ANK1: variants seen among roughly 807,000 people sequenced by gnomAD.
ANK1 encodes the protein ankyrin-1.
Under a neutral mutation model 210.4 loss-of-function variants are expected in ANK1, and 51 were observed. The ratio of observed to expected loss-of-function variants is 0.24; its 90% CI spans 0.19 to 0.31. ANK1 has a LOEUF of 0.31. ANK1 is among the 10% of genes least tolerant of loss of function. ANK1 has a pLI of 1.00. For missense variants in ANK1, 2,051 were observed against 2,504.4 expected, an observed-to-expected ratio of 0.82 and a Z score of 3.86; for synonymous variants, 967 against 1,025.9, an observed-to-expected ratio of 0.94 and a Z score of 1.10.
chr8:41,668,690 C>T (rs1811319633), intron 38 of ANK1, 126 bp from the exon 39 acceptor site: 2 of 1,085,366 alleles, frequency 1.8e-6, no homozygotes, highest in African/African-American at 1.6e-5. Flanking sequence ...GGACACAGAC[C>T]GTCCTCCCAT....
chr8:41,809,396 A>G (rs934010035), intron 1 of ANK1, among the ~76,000 whole-genome samples: 5 of 152,240 alleles, frequency 3.3e-5, no homozygotes, highest in Non-Finnish European at 4.4e-5. Context: ...GTCAACATGC[A>G]CTATGGTGTG....
chr8:41,803,019 A>AAGAAAGAAAGAAAGAAAGAAAG (rs1563810092), intron 1 of ANK1, among the ~76,000 whole-genome samples: 24 of 99,396 alleles, frequency 2.4e-4, no homozygotes, highest in African/African-American at 9.8e-4. Context: ...GAAAGAAAGA[A>AAGAAAGAAAGAAAGAAAGAAAG]AGAAAGAAAG....
chr8:41,695,280 G>A lies in ANK1; in HGVS notation c.3012C>T (p.Arg1004=), dbSNP rs142610966. Residue 1004 remains arginine, a synonymous_variant, in exon 27 of 43, where the codon CGC becomes CGT. Coordinates refer to ENST00000289734, the MANE Select transcript of ANK1 (RefSeq NM_000037.4). ...PHFASHGRGD[R]ELVVLRSENG... ...TTTCGCTCCTCAGAACCACGAGCTC[G>A]CGGTCTCCACGGCCATGGGAGGCAA... The A allele has an allele frequency of 2.4e-5, 39 of 1,613,912 alleles. No homozygotes were observed. The highest frequency in any genetic ancestry group is 1.5e-4 in the South Asian group (14 of 91,082).
intron 1 of ANK1, among the ~76,000 whole-genome samples, chr8:41,858,030 C>T (rs960824081): frequency 1.4e-4 from 21 of 152,122 alleles, no homozygotes; most frequent in African/African-American, 4.6e-4. Flanking sequence ...GAGTTTGAGG[C>T]CATCCTGGAC....
At chr8:41,799,915 A>G (rs1361502341), upstream of ANK1, among the ~76,000 whole-genome samples, 1 of 152,190 alleles carries the variant, frequency 6.6e-6, no homozygotes, top group Admixed American at 6.5e-5. Flanking sequence ...CACCCCTGGA[A>G]GCAGCTGCCC....
intron 1 of ANK1, among the ~76,000 whole-genome samples, chr8:41,827,421 C>A (rs924686131): frequency 1.3e-5 from 2 of 152,128 alleles, no homozygotes; most frequent in African/African-American, 4.8e-5. Context: ...GAATTTAGGG[C>A]CTGAATTAGT....
intron 39 of ANK1, chr8:41,665,043 C>G: frequency 6.2e-7 from 1 of 1,611,518 alleles, no homozygotes; most frequent in Non-Finnish European, 8.5e-7. Flanking sequence ...CTCACCAGCC[C>G]GGTCCTCTGG....
chr8:41,783,414 G>C (rs1425782761), intron 1 of ANK1, among the ~76,000 whole-genome samples: 1 of 152,154 alleles, frequency 6.6e-6, no homozygotes, highest in Non-Finnish European at 1.5e-5. Context: ...GCACCAAGGA[G>C]TGAATCTCTA....
intron 33 of ANK1, 28 bp from the exon 34 acceptor site, chr8:41,688,617 T>A: frequency 6.2e-7 from 1 of 1,601,894 alleles, no homozygotes; most frequent in Non-Finnish European, 8.6e-7. Context: ...GTGCTTTGGG[T>A]TTTGGACTCT....
chr8:41,681,493 G>C (rs2150574138), intron 37 of ANK1, among the ~76,000 whole-genome samples: 1 of 152,360 alleles, frequency 6.6e-6, no homozygotes, highest in Middle Eastern at 3.4e-3. Context: ...TGAAGGGAGA[G>C]ACAGCCTCAG....
At chr8:41,737,040 C>G (rs1470297185) in intron 2 of ANK1, among the ~76,000 whole-genome samples, 1 of 152,208 alleles carries the variant, frequency 6.6e-6, no homozygotes, top group Non-Finnish European at 1.5e-5. Context: ...TGGCTCACAT[C>G]TGTAATCCCA....
intron 1 of ANK1, among the ~76,000 whole-genome samples, chr8:41,858,608 T>C (rs1240523273): frequency 1.3e-5 from 2 of 152,206 alleles, no homozygotes; most frequent in Non-Finnish European, 2.9e-5. Flanking sequence ...CACAGAGGGC[T>C]TGGTGGCCAA....
At chr8:41,877,119 C>T (rs956228036) in intron 1 of ANK1, among the ~76,000 whole-genome samples, 1 of 152,132 alleles carries the variant, frequency 6.6e-6, no homozygotes, top group Non-Finnish European at 1.5e-5. Context: ...CATAGTGAGA[C>T]CCAGTCATTA....
chr8:41,775,327 C>T (rs1167402205), intron 1 of ANK1, among the ~76,000 whole-genome samples: 1 of 152,204 alleles, frequency 6.6e-6, no homozygotes, highest in African/African-American at 2.4e-5. Context: ...GGATGGGTGG[C>T]CCATTGCCAG....
chr8:41,787,032 A>C (rs1846552396), intron 1 of ANK1, among the ~76,000 whole-genome samples: 1 of 152,184 alleles, frequency 6.6e-6, no homozygotes, highest in Non-Finnish European at 1.5e-5. Context: ...TTTCCACTCC[A>C]CATGTATTTA....
At chr8:41,725,005 G>A (rs1044971311) in intron 6 of ANK1, among the ~76,000 whole-genome samples, 1 of 152,096 alleles carries the variant, frequency 6.6e-6, no homozygotes, top group Non-Finnish European at 1.5e-5. Context: ...GACTACAGGC[G>A]AACACCATCA....
At chr8:41,839,097 AAG>A (rs1808371384) in intron 1 of ANK1, among the ~76,000 whole-genome samples, 1 of 152,174 alleles carries the variant, frequency 6.6e-6, no homozygotes, top group Non-Finnish European at 1.5e-5. Context: ...TAAATAAATA[AAG>A]ATGCAACAAT....
At chr8:41,777,145 A>G (rs1844229990) in intron 1 of ANK1, among the ~76,000 whole-genome samples, 1 of 152,224 alleles carries the variant, frequency 6.6e-6, no homozygotes, top group Non-Finnish European at 1.5e-5. Flanking sequence ...ATTTCTTTCT[A>G]CGTTGCTTAT....
chr8:41,801,078 T>C (rs541140915), upstream of ANK1, among the ~76,000 whole-genome samples: 1 of 152,366 alleles, frequency 6.6e-6, no homozygotes, highest in African/African-American at 2.4e-5. Context: ...TTTTCACTGC[T>C]GTGTGATATC....
Sources: gnomAD v4.1 joint callset for allele counts (sites outside exome capture counted in the v4.1 genomes callset) on GRCh38, gnomAD v4.1.1 for gene constraint, MANE v1.5 for transcripts, NCBI Gene and HGNC (gene_info 2026-07-23, HGNC 2026-07-21) for gene names.